CLEC16A: variants seen among roughly 807,000 people sequenced by gnomAD.
The protein encoded by CLEC16A is protein CLEC16A.
A neutral mutation model predicts 109.5 loss-of-function variants in CLEC16A; 51 were observed. The observed-to-expected ratio is 0.47, with a 90% CI of 0.37 to 0.59. The LOEUF is 0.59. Among genes scored for constraint, CLEC16A ranks in the 20% least tolerant of loss-of-function variants. The probability of loss-of-function intolerance (pLI) is 0.00; values close to 1 mark genes in which losing one functional copy is unlikely to be tolerated. For synonymous variants in CLEC16A, 673 were observed against 564.2 expected (o/e 1.19, Z -2.73); for missense variants, 1,339 against 1,394.0 (o/e 0.96, Z 0.63).
chr16:11,047,184 A>T, intron 16 of CLEC16A, 108 bp from the exon 17 acceptor site: 1 of 733,070 alleles, frequency 1.4e-6, no homozygotes. Context: ...GAACTCACTA[A>T]TGAGAAACAG....
intron 1 of CLEC16A, among the ~76,000 whole-genome samples, chr16:10,956,048 C>CT (rs1371727947): frequency 6.6e-6 from 1 of 152,204 alleles, no homozygotes; most frequent in South Asian, 2.1e-4. Flanking sequence ...GGAGTGGGTC[C>CT]TCCAATGATT....
At chr16:11,001,016 C>T in intron 10 of CLEC16A, among the ~76,000 whole-genome samples, 1 of 152,150 alleles carries the variant, frequency 6.6e-6, no homozygotes, top group East Asian at 1.9e-4. Flanking sequence ...AAAAACACTT[C>T]AATCAAAATC....
At chr16:11,026,687 T>C (rs1050709993) in intron 13 of CLEC16A, among the ~76,000 whole-genome samples, 1 of 150,872 alleles carries the variant, frequency 6.6e-6, no homozygotes, top group African/African-American at 2.4e-5. Context: ...TCCAATTTAA[T>C]TTACTTTTTG....
chr16:10,945,031 A>G (rs915450159), intron 1 of CLEC16A, among the ~76,000 whole-genome samples: 1 of 152,240 alleles, frequency 6.6e-6, no homozygotes, highest in Non-Finnish European at 1.5e-5. Context: ...GAGTCTCCGT[A>G]TCCCCACCTG....
At chr16:11,075,394 G>GTGTC (rs2049297378) in intron 19 of CLEC16A, among the ~76,000 whole-genome samples, 5 of 132,172 alleles carry the variant, frequency 3.8e-5, no homozygotes, top group Admixed American at 2.2e-4. Flanking sequence ...GTGTGTGTGT[G>GTGTC]TGTGTGTGTG....
chr16:11,120,403 T>TATCCAGATGAGGGATCTGAG (rs2052318702), intron 19 of CLEC16A, among the ~76,000 whole-genome samples: 1 of 152,242 alleles, frequency 6.6e-6, no homozygotes, highest in Non-Finnish European at 1.5e-5. Flanking sequence ...TTCTCTTTAT[T>TATCCAGATGAGGGATCTGAG]ATCCAGATGA....
intron 1 of CLEC16A, among the ~76,000 whole-genome samples, chr16:10,947,040 G>A (rs1233909476): frequency 1.3e-5 from 2 of 152,210 alleles, no homozygotes; most frequent in Non-Finnish European, 2.9e-5. Flanking sequence ...AATGGTAAAC[G>A]GTCTCTGGTT....
At chr16:11,060,825 C>A in intron 18 of CLEC16A, 77 bp from the exon 19 acceptor site, 1 of 1,380,110 alleles carries the variant, frequency 7.2e-7, no homozygotes, top group South Asian at 1.6e-5. Context: ...GTCATGGTGT[C>A]ATTTCTGGGT....
intron 11 of CLEC16A, among the ~76,000 whole-genome samples, chr16:11,008,011 C>T (rs1453183726): frequency 1.3e-5 from 2 of 151,958 alleles, no homozygotes; most frequent in African/African-American, 4.8e-5. Flanking sequence ...TCCTGCTGGG[C>T]AGTAGAAGAT....
intron 19 of CLEC16A, among the ~76,000 whole-genome samples, chr16:11,097,551 G>A (rs1002433693): frequency 6.6e-6 from 1 of 152,028 alleles, no homozygotes; most frequent in Non-Finnish European, 1.5e-5. Flanking sequence ...AAGGAGCACC[G>A]ACACAGAACT....
intron 19 of CLEC16A, among the ~76,000 whole-genome samples, chr16:11,101,976 CTTTTTT>C (rs35871397): frequency 7.7e-6 from 1 of 129,556 alleles, no homozygotes; most frequent in African/African-American, 2.9e-5. Context: ...ATAATTTTTG[CTTTTTT>C]TTTTTTTTTT....
intron 19 of CLEC16A, among the ~76,000 whole-genome samples, chr16:11,082,597 G>A (rs1685695762): frequency 6.6e-6 from 1 of 152,126 alleles, no homozygotes; most frequent in Non-Finnish European, 1.5e-5. Flanking sequence ...CTGTGCATTC[G>A]TTCAGCAGCC....
At chr16:11,013,369 C>G (rs535073636) in intron 11 of CLEC16A, among the ~76,000 whole-genome samples, 1 of 152,308 alleles carries the variant, frequency 6.6e-6, no homozygotes, top group Admixed American at 6.5e-5. Flanking sequence ...TGGCTCACAC[C>G]TGTAATCCCA....
intron 9 of CLEC16A, among the ~76,000 whole-genome samples, chr16:10,980,273 A>G (rs968464825): frequency 2.0e-5 from 3 of 152,148 alleles, no homozygotes; most frequent in Non-Finnish European, 4.4e-5. Flanking sequence ...CATCACTCAC[A>G]GCCCAGAGTC....
intron 22 of CLEC16A, among the ~76,000 whole-genome samples, chr16:11,143,868 G>A (rs2053944710): frequency 6.6e-6 from 1 of 152,200 alleles, no homozygotes; most frequent in Non-Finnish European, 1.5e-5. Context: ...CACAGCTAGT[G>A]CACAGCAAAG....
chr16:10,959,180 A>T (rs2042136177), intron 2 of CLEC16A, among the ~76,000 whole-genome samples: 1 of 152,202 alleles, frequency 6.6e-6, no homozygotes, highest in African/African-American at 2.4e-5. Flanking sequence ...ATTCAGACAG[A>T]ATTAGGCAGC....
chr16:11,173,038 C>T (rs1347606250), intron 23 of CLEC16A, among the ~76,000 whole-genome samples: 2 of 152,138 alleles, frequency 1.3e-5, no homozygotes, highest in African/African-American at 2.4e-5. Flanking sequence ...TCTGGACCCA[C>T]CCCTGTGCCT....
At chr16:10,975,404 C>G (rs1219208153) in intron 7 of CLEC16A, among the ~76,000 whole-genome samples, 1 of 152,084 alleles carries the variant, frequency 6.6e-6, no homozygotes, top group Non-Finnish European at 1.5e-5. Context: ...CTTATCAATG[C>G]TATTTGAGTT....
At chr16:11,087,149 G>C (rs1184294600) in intron 19 of CLEC16A, among the ~76,000 whole-genome samples, 1 of 152,258 alleles carries the variant, frequency 6.6e-6, no homozygotes, top group East Asian at 1.9e-4. Context: ...TAGAGGTTGA[G>C]ATAAAATTAG....
Sources: allele counts gnomAD v4.1 joint callset (sites outside exome capture counted in the v4.1 genomes callset), GRCh38; gene constraint gnomAD v4.1.1; transcripts MANE v1.5; gene names NCBI Gene and HGNC (gene_info 2026-07-23, HGNC 2026-07-21).